The following HIVEP3 variants were observed in gnomAD, a reference collection of about 807,000 sequenced individuals.
HIVEP3 encodes the protein transcription factor HIVEP3.
A neutral mutation model predicts 152.8 loss-of-function variants in HIVEP3; 49 were observed. That is an observed-to-expected ratio of 0.32 (90% CI 0.26 to 0.41). HIVEP3 has a LOEUF of 0.41. HIVEP3 is among the 10% of genes least tolerant of loss of function. The probability of loss-of-function intolerance (pLI) is 1.00; values close to 1 mark genes in which losing one functional copy is unlikely to be tolerated. For synonymous variants in HIVEP3, 1,269 were observed against 1,289.0 expected, an observed-to-expected ratio of 0.98 and a Z score of 0.33; for missense variants, 2,790 against 3,103.3, an observed-to-expected ratio of 0.90 and a Z score of 2.40.
intron 1 of HIVEP3, among the ~76,000 whole-genome samples, chr1:41,836,544 G>A (rs999148907): frequency 2.6e-5 from 4 of 152,204 alleles, no homozygotes; most frequent in African/African-American, 9.7e-5. Context: ...GACAATCTGA[G>A]CATGTTCTCA....
rs368150768 is a variant in HIVEP3 at position 41,544,930 on chromosome 1, T to C, written c.5208-20020A>G. ...ACCACTACCACCTCTACCACCACCATCACCACCACCACCACTACCACCTCT... is the reference window on the plus strand; with the variant it reads ...ACCACTACCACCTCTACCACCACCACCACCACCACCACCACTACCACCTCT... On this transcript the variant is annotated intron_variant, in intron 5 of 8. Coordinates refer to ENST00000372583, the MANE Select transcript of HIVEP3 (RefSeq NM_024503.5). Among the ~76,000 whole-genome samples the C allele has an allele frequency of 6.8e-3, 55 of 8,112 alleles. 1 individual carries two copies. Among genetic ancestry groups the C allele is most frequent in the Non-Finnish European group, 7.1e-3 (36 of 5,066 alleles). 5.3% of individuals were successfully genotyped at this position (8,112 alleles called of 152,430 possible).
chr1:41,565,006 G>A (rs980662514), intron 5 of HIVEP3, among the ~76,000 whole-genome samples: 2 of 152,230 alleles, frequency 1.3e-5, no homozygotes, highest in African/African-American at 2.4e-5. Context: ...TGCACAGAGC[G>A]TCAGGTGCTG....
chr1:41,591,864 T>G (rs1644592833), intron 3 of HIVEP3, among the ~76,000 whole-genome samples: 1 of 152,054 alleles, frequency 6.6e-6, no homozygotes, highest in African/African-American at 2.4e-5. Flanking sequence ...AGACACTGAC[T>G]CCCAGAGAAG....
chr1:41,830,182 ATCTC>A (rs1472380487), intron 1 of HIVEP3, among the ~76,000 whole-genome samples: 1 of 152,224 alleles, frequency 6.6e-6, no homozygotes, highest in African/African-American at 2.4e-5. Flanking sequence ...ATGTCTAACT[ATCTC>A]TCTGTCTACT....
At chr1:41,940,633 C>A (rs1173740733) in intron 1 of HIVEP3, among the ~76,000 whole-genome samples, 1 of 151,906 alleles carries the variant, frequency 6.6e-6, no homozygotes, top group Non-Finnish European at 1.5e-5. Flanking sequence ...ACCACAGAGG[C>A]CAGGTAGTCA....
At chr1:41,671,759 C>T (rs1476056290) in intron 2 of HIVEP3, among the ~76,000 whole-genome samples, 1 of 152,180 alleles carries the variant, frequency 6.6e-6, no homozygotes, top group African/African-American at 2.4e-5. Context: ...CAGACTAAGA[C>T]TAGGAGAGCA....
chr1:41,684,483 C>A (rs1017818578), intron 2 of HIVEP3, among the ~76,000 whole-genome samples: 1 of 152,196 alleles, frequency 6.6e-6, no homozygotes, highest in Non-Finnish European at 1.5e-5. Context: ...TCAGGAGTCA[C>A]CTCCATAGAC....
chr1:41,592,562 C>CTT (rs2149116844), intron 3 of HIVEP3, among the ~76,000 whole-genome samples: 1 of 152,292 alleles, frequency 6.6e-6, no homozygotes, highest in African/African-American at 2.4e-5. Context: ...ACCTGCTAAT[C>CTT]TTTGTAAAAG....
intron 1 of HIVEP3, among the ~76,000 whole-genome samples, chr1:41,714,551 C>T (rs1437866900): frequency 4.6e-5 from 7 of 152,140 alleles, no homozygotes; most frequent in Non-Finnish European, 1.0e-4. Context: ...TTCCAGAACA[C>T]GGGTTCTTTC....
chr1:41,608,129 C>T (rs889558056), intron 3 of HIVEP3, among the ~76,000 whole-genome samples: 4 of 152,152 alleles, frequency 2.6e-5, no homozygotes, highest in African/African-American at 7.2e-5. Flanking sequence ...TAGGGCTTCC[C>T]GTGAGGTGTC....
At chr1:41,948,930 C>A (rs1478424340) in intron 1 of HIVEP3, among the ~76,000 whole-genome samples, 1 of 152,138 alleles carries the variant, frequency 6.6e-6, no homozygotes, top group East Asian at 1.9e-4. Flanking sequence ...AACAATGGAA[C>A]AACTTCAGCC....
intron 1 of HIVEP3, among the ~76,000 whole-genome samples, chr1:41,864,831 C>A (rs1053874503): frequency 6.6e-6 from 1 of 152,208 alleles, no homozygotes; most frequent in African/African-American, 2.4e-5. Flanking sequence ...CACTCTAATC[C>A]AAGGGGGTTA....
At chr1:41,867,855 AC>A (rs1416163362) in intron 1 of HIVEP3, among the ~76,000 whole-genome samples, 1 of 150,734 alleles carries the variant, frequency 6.6e-6, no homozygotes, top group Non-Finnish European at 1.5e-5. Context: ...ATCACTTCCC[AC>A]CCCTCCAATG....
intron 1 of HIVEP3, among the ~76,000 whole-genome samples, chr1:41,746,049 G>C (rs753244704): frequency 3.9e-5 from 6 of 152,200 alleles, no homozygotes; most frequent in Non-Finnish European, 7.4e-5. Context: ...GGGCACTTCT[G>C]GCCCTAATCA....
chr1:41,994,187 CT>C (rs1645381416), intron 1 of HIVEP3, among the ~76,000 whole-genome samples: 1 of 151,084 alleles, frequency 6.6e-6, no homozygotes, highest in Admixed American at 6.6e-5. Context: ...AAAAAAAATC[CT>C]CTCTGGAGAG....
At chr1:42,024,758 A>C (rs1444631387) in intron 1 of HIVEP3, among the ~76,000 whole-genome samples, 4 of 152,214 alleles carry the variant, frequency 2.6e-5, no homozygotes, top group Non-Finnish European at 5.9e-5. Context: ...CATAAAGTAC[A>C]TCAATTAAGA....
At chr1:41,763,447 A>G (rs1647818489) in intron 1 of HIVEP3, among the ~76,000 whole-genome samples, 1 of 152,140 alleles carries the variant, frequency 6.6e-6, no homozygotes, top group African/African-American at 2.4e-5. Flanking sequence ...CCTGGCTCTC[A>G]TGCTTGCTTC....
At chr1:41,812,398 C>T (rs141629149) in intron 1 of HIVEP3, among the ~76,000 whole-genome samples, 4 of 152,236 alleles carry the variant, frequency 2.6e-5, no homozygotes, top group Non-Finnish European at 5.9e-5. Context: ...GACCATGTCG[C>T]TGCACTCCAG....
At chr1:41,795,710 T>C (rs1649944682) in intron 1 of HIVEP3, among the ~76,000 whole-genome samples, 1 of 152,228 alleles carries the variant, frequency 6.6e-6, no homozygotes, top group Non-Finnish European at 1.5e-5. Context: ...TTCAATACTA[T>C]CATTATTTAT....
Sources: allele counts gnomAD v4.1 joint callset (sites outside exome capture counted in the v4.1 genomes callset), GRCh38; gene constraint gnomAD v4.1.1; transcripts MANE v1.5; gene names NCBI Gene and HGNC (gene_info 2026-07-23, HGNC 2026-07-21).